The following BCAS4 variants were observed in gnomAD, a reference collection of about 807,000 sequenced individuals.
The protein encoded by BCAS4 is breast carcinoma amplified sequence 4, also known as breast carcinoma-amplified sequence 4.
In BCAS4, 9 loss-of-function variants were observed where a neutral mutation model predicts 15.7. That is an observed-to-expected ratio of 0.57 (90% CI 0.34 to 1.00). BCAS4 has a LOEUF of 1.00. BCAS4 is among the 50% of genes least tolerant of loss of function. The probability of loss-of-function intolerance (pLI) is 0.02; values close to 1 mark genes in which losing one functional copy is unlikely to be tolerated. For missense variants in BCAS4, 225 were observed against 239.1 expected (o/e 0.94, Z 0.39); for synonymous variants, 101 against 99.5 (o/e 1.02, Z -0.09).
chr20:50,830,824 T>C (rs2088334545), intron 3 of BCAS4, among the ~76,000 whole-genome samples: 1 of 152,150 alleles, frequency 6.6e-6, no homozygotes, highest in Admixed American at 6.6e-5. Flanking sequence ...TATTCCAGCC[T>C]GGGCGACAGA....
At chr20:50,816,791 A>ATTTT (rs35600563) in intron 1 of BCAS4, among the ~76,000 whole-genome samples, 53 of 80,928 alleles carry the variant, frequency 6.5e-4, no homozygotes, top group East Asian at 9.8e-4. Flanking sequence ...TGCCTGGCTA[A>ATTTT]TTTTTTTTTT....
chr20:50,795,912 A>T (rs181869497), intron 1 of BCAS4, among the ~76,000 whole-genome samples: 1 of 152,234 alleles, frequency 6.6e-6, no homozygotes, highest in Non-Finnish European at 1.5e-5. Flanking sequence ...ACAAATGTAG[A>T]TATCTGTATC....
chr20:50,834,207 A>G, intron 3 of BCAS4, among the ~76,000 whole-genome samples: 1 of 151,340 alleles, frequency 6.6e-6, no homozygotes, highest in East Asian at 1.9e-4. Context: ...TACATTGATT[A>G]TTCTTTTTTT....
At chr20:50,800,536 C>T (rs1263818328) in intron 1 of BCAS4, among the ~76,000 whole-genome samples, 2 of 151,404 alleles carry the variant, frequency 1.3e-5, no homozygotes, top group Non-Finnish European at 2.9e-5. Flanking sequence ...TCCCTGCCAC[C>T]CCTCTTTCTG....
At chr20:50,795,003 A>ACCGGGGGCGGGGCTCCGAGGC, upstream of BCAS4, 2 of 1,347,680 alleles carry the variant, frequency 1.5e-6, no homozygotes, top group Non-Finnish European at 1.9e-6. Flanking sequence ...CATGCAGCGG[A>ACCGGGGGCGGGGCTCCGAGGC]CCGGGGGCGG....
At chr20:50,844,938 T>C (rs1325825296) in intron 4 of BCAS4, among the ~76,000 whole-genome samples, 1 of 152,044 alleles carries the variant, frequency 6.6e-6, no homozygotes, top group East Asian at 1.9e-4. Context: ...CACAAGGGCT[T>C]TGTCTGGGGG....
At chr20:50,840,047 C>T (rs1425869385) in intron 3 of BCAS4, among the ~76,000 whole-genome samples, 1 of 151,194 alleles carries the variant, frequency 6.6e-6, no homozygotes, top group Non-Finnish European at 1.5e-5. Flanking sequence ...GCTAATTTTT[C>T]AATTTTTTGT....
At chr20:50,863,317 G>T (rs1979188454) in intron 4 of BCAS4, among the ~76,000 whole-genome samples, 1 of 144,800 alleles carries the variant, frequency 6.9e-6, no homozygotes, top group Non-Finnish European at 1.5e-5. Flanking sequence ...GAGTACAGTG[G>T]TGCAGTCTTG....
chr20:50,876,109 C>T (rs1266721041), intron 4 of BCAS4: 2 of 430,520 alleles, frequency 4.6e-6, no homozygotes, highest in East Asian at 1.4e-4. Context: ...CGCTACCATG[C>T]CCGGCTAATT....
chr20:50,843,701 C>T (rs2088509899), intron 4 of BCAS4, among the ~76,000 whole-genome samples: 1 of 152,228 alleles, frequency 6.6e-6, no homozygotes, highest in African/African-American at 2.4e-5. Context: ...AAGACATCTC[C>T]TGTGAGAAGC....
chr20:50,806,707 T>A (rs2087993667), intron 1 of BCAS4, among the ~76,000 whole-genome samples: 2 of 151,762 alleles, frequency 1.3e-5, no homozygotes, highest in Admixed American at 6.6e-5. Context: ...TATTATTATT[T>A]TTTAATTTTT....
intron 4 of BCAS4, among the ~76,000 whole-genome samples, chr20:50,849,376 C>T (rs1164430307): frequency 6.6e-6 from 1 of 152,192 alleles, no homozygotes; most frequent in Non-Finnish European, 1.5e-5. Flanking sequence ...CCCACCTGTT[C>T]ACCCCTACCC....
chr20:50,825,242 A>C (rs951904191), intron 2 of BCAS4, among the ~76,000 whole-genome samples: 3 of 151,998 alleles, frequency 2.0e-5, no homozygotes. Context: ...TTTTTCCTTT[A>C]ATAAATTTTT....
chr20:50,849,476 G>GT (rs1285177926), intron 4 of BCAS4, among the ~76,000 whole-genome samples: 1 of 152,232 alleles, frequency 6.6e-6, no homozygotes, highest in Non-Finnish European at 1.5e-5. Context: ...GGGAGCCAGG[G>GT]TGGCTTTGGA....
chr20:50,797,943 G>A (rs935700484), intron 1 of BCAS4, among the ~76,000 whole-genome samples: 2 of 152,038 alleles, frequency 1.3e-5, no homozygotes, highest in African/African-American at 4.8e-5. Context: ...GGGATTACAG[G>A]TGTGAGCCAC....
intron 1 of BCAS4, among the ~76,000 whole-genome samples, chr20:50,802,101 G>C (rs568168910): frequency 1.0e-3 from 158 of 152,324 alleles, no homozygotes; most frequent in Admixed American, 1.9e-3. Context: ...TTGGGAGGCT[G>C]AGGTAAGAGG....
intron 2 of BCAS4, among the ~76,000 whole-genome samples, chr20:50,825,968 C>T (rs1218610305): frequency 6.6e-6 from 1 of 152,046 alleles, no homozygotes; most frequent in Non-Finnish European, 1.5e-5. Flanking sequence ...ATTTAGGGGG[C>T]GAGGGTGGTC....
intron 4 of BCAS4, among the ~76,000 whole-genome samples, chr20:50,875,378 G>A (rs1979870852): frequency 6.6e-6 from 1 of 152,194 alleles, no homozygotes; most frequent in African/African-American, 2.4e-5. Flanking sequence ...CAGAAACGAG[G>A]AAGCACTTCT....
At chr20:50,835,684 C>T (rs79221415) in intron 3 of BCAS4, among the ~76,000 whole-genome samples, 11 of 152,232 alleles carry the variant, frequency 7.2e-5, no homozygotes, top group African/African-American at 2.6e-4. Context: ...CAACTGTCAC[C>T]ACCGTGGGGC....
Sources: gnomAD v4.1 joint callset for allele counts (sites outside exome capture counted in the v4.1 genomes callset) on GRCh38, gnomAD v4.1.1 for gene constraint, MANE v1.5 for transcripts, NCBI Gene and HGNC (gene_info 2026-07-23, HGNC 2026-07-21) for gene names.